Variants in SPDYA observed in about 807,000 individuals in gnomAD.
SPDYA encodes speedy/RINGO cell cycle regulator family member A.
A neutral mutation model predicts 36.7 loss-of-function variants in SPDYA; 11 were observed. That is an observed-to-expected ratio of 0.30 (90% CI 0.19 to 0.50). SPDYA has a LOEUF of 0.50. Ranked by LOEUF, SPDYA falls within the 20% of genes least tolerant of loss-of-function variation. SPDYA has a pLI of 0.98. For missense variants in SPDYA, 287 were observed against 370.9 expected (o/e 0.77, Z 1.86); for synonymous variants, 115 against 118.7 (o/e 0.97, Z 0.20).
intron 7 of SPDYA, among the ~76,000 whole-genome samples, chr2:28,849,090 A>G (rs1668964224): frequency 6.6e-6 from 1 of 152,048 alleles, no homozygotes; most frequent in South Asian, 2.1e-4. Flanking sequence ...TAAAACATCT[A>G]TATTTAAACA....
rs370266643 is a variant in SPDYA, at chr2:28,845,896, GCT to G, written c.851-3951_851-3950del. Among the ~76,000 whole-genome samples the G allele has an allele frequency of 3.1e-3, 465 of 152,240 alleles. 1 individual carries two copies. Among genetic ancestry groups the G allele is most frequent in the African/African-American group, 0.011 (447 of 41,552 alleles). ...ACCTTATATATGTATTACTATGAAA[GCT>G]CTGATTTAACAGTTTTTTCCTCCAG... On this transcript the variant is annotated intron_variant, in intron 7 of 7. Transcript: ENST00000334056.
rs1668514725 is a variant in SPDYA, at chr2:28,833,073, C to A, written c.552+3754C>A. Among the ~76,000 whole-genome samples, 3 of 152,244 alleles carry A rather than the reference C, an allele frequency of 2.0e-5. No individual in the cohort carries two copies. In the South Asian group the frequency reaches 6.2e-4, roughly 32 times the overall value. On this transcript the variant is annotated intron_variant, in intron 6 of 7. Transcript: ENST00000334056. ...CCGGTCTCAAAATCCTGTGCCTAAG[C>A]AATCCTCCCACCTTGGCCTCCCAAA...
chr2:28,821,935 C>T (rs772717588), intron 4 of SPDYA, among the ~76,000 whole-genome samples: 1 of 152,190 alleles, frequency 6.6e-6, no homozygotes, highest in African/African-American at 2.4e-5. Flanking sequence ...TATATATACA[C>T]ATACATACAC....
At chr2:28,812,680 A>C (rs149319805) in intron 1 of SPDYA, among the ~76,000 whole-genome samples, 3,979 of 151,976 alleles carry the variant, frequency 0.026, 155 homozygotes, top group African/African-American at 0.083. Context: ...AACATGGCGA[A>C]ACCCCATCTC....
intron 1 of SPDYA, among the ~76,000 whole-genome samples, chr2:28,813,167 G>T (rs921910052): frequency 6.6e-6 from 1 of 152,094 alleles, no homozygotes; most frequent in Non-Finnish European, 1.5e-5. Context: ...GCTCCACTTG[G>T]GGAATTTCAG....
intron 6 of SPDYA, among the ~76,000 whole-genome samples, chr2:28,834,390 A>G (rs150997586): frequency 6.6e-6 from 1 of 152,316 alleles, no homozygotes; most frequent in Non-Finnish European, 1.5e-5. Context: ...AAGGGTAAAA[A>G]CAAAACTATG....
chr2:28,811,499 C>G lies in SPDYA; in HGVS notation c.-93+552C>G. ...GTGTCTCAGTACCAGGCCCGTAGCTCATTTCTCAGAATTCACGAAGATTCT... is the reference window on the plus strand; with the variant it reads ...GTGTCTCAGTACCAGGCCCGTAGCTGATTTCTCAGAATTCACGAAGATTCT... On this transcript the variant is annotated intron_variant, in intron 1 of 7. Coordinates refer to ENST00000334056, the MANE Select transcript of SPDYA (RefSeq NM_182756.4). The surrounding 1 kb of genome is among the most constrained non-coding windows in gnomAD (Gnocchi z 4.2). 6.6e-6 allele frequency among the ~76,000 whole-genome samples: 1 copy of G among 152,218 alleles called. No individual in the cohort carries two copies. Among genetic ancestry groups the G allele is most frequent in the East Asian group, 1.9e-4 (1 of 5,178 alleles).
At chr2:28,847,963 T>G (rs2148111603) in intron 7 of SPDYA, among the ~76,000 whole-genome samples, 1 of 152,220 alleles carries the variant, frequency 6.6e-6, no homozygotes, top group South Asian at 2.1e-4. Flanking sequence ...AGTCTAGAAG[T>G]AGTAGGCTAT....
chr2:28,829,271 G>C lies in SPDYA; in HGVS notation c.504G>C (p.Trp168Cys). The change falls in exon 6 of 8, where the codon TGG (tryptophan) becomes TGC (cysteine). Residue 168 changes from tryptophan (W) to cysteine (C), a missense_variant. Physicochemically the swap from Trp to Cys is radical, Grantham distance 215. Coordinates refer to ENST00000334056, the MANE Select transcript of SPDYA (RefSeq NM_182756.4). ...PNFLKLRDQL[W>C]DRIDYRAIVS... ...TCTTAAAGTTAAGGGACCAGCTCTG[G>C]GATAGAATTGACTATAGGGCTATTG... 6.2e-7 allele frequency: 1 copy of C among 1,614,010 alleles called. No individual in the cohort carries two copies. The highest frequency in any genetic ancestry group is 8.5e-7 in the Non-Finnish European group (1 of 1,179,988).
chr2:28,833,032 C>T (rs1558328188), intron 6 of SPDYA, among the ~76,000 whole-genome samples: 1 of 151,978 alleles, frequency 6.6e-6, no homozygotes, highest in East Asian at 1.9e-4. Context: ...GATGGGGTCT[C>T]GCTATGTTGC....
chr2:28,827,629 G>A (rs1668365005), intron 5 of SPDYA, among the ~76,000 whole-genome samples: 1 of 151,924 alleles, frequency 6.6e-6, no homozygotes, highest in African/African-American at 2.4e-5. Flanking sequence ...CATGGTGCCT[G>A]TGTTATCTAA....
chr2:28,828,921 A>C (rs914515967), intron 5 of SPDYA, among the ~76,000 whole-genome samples: 2 of 152,112 alleles, frequency 1.3e-5, no homozygotes, highest in Non-Finnish European at 2.9e-5. Flanking sequence ...TTTCAAAGTA[A>C]CTAACTGCAT....
intron 5 of SPDYA, among the ~76,000 whole-genome samples, chr2:28,828,379 CTG>C (rs1668386644): frequency 1.3e-5 from 2 of 152,146 alleles, no homozygotes; most frequent in African/African-American, 2.4e-5. Flanking sequence ...GATGTTTTCT[CTG>C]TAATATTTAA....
In SPDYA at chr2:28,817,673, C is replaced by T. The variant is rs185552041; in HGVS notation, c.236-1375C>T. 6.8e-3 allele frequency among the ~76,000 whole-genome samples: 1,023 copies of T among 150,708 alleles called. 10 individuals carry two copies. The highest frequency in any genetic ancestry group is 0.022 in the African/African-American group (919 of 40,970). On this transcript the variant is annotated intron_variant, in intron 3 of 7. Coordinates refer to ENST00000334056, the MANE Select transcript of SPDYA (RefSeq NM_182756.4). The stretch of plus-strand genomic sequence containing the variant: ...GGCGGACCACTTGAGGCCAGGAGTT[C>T]GAGACCAGCCTGGCCAACATGGTGA...
At chr2:28,841,323 T>C (rs1157485268) in intron 7 of SPDYA, among the ~76,000 whole-genome samples, 1 of 152,162 alleles carries the variant, frequency 6.6e-6, no homozygotes, top group Non-Finnish European at 1.5e-5. Flanking sequence ...CTTTCAGCAA[T>C]AGAGTATTAA....
At chr2:28,836,089 T>C (rs912433314) in intron 6 of SPDYA, among the ~76,000 whole-genome samples, 11 of 152,210 alleles carry the variant, frequency 7.2e-5, no homozygotes, top group African/African-American at 2.2e-4. Flanking sequence ...ATACTTTACA[T>C]TTGCACAGTG....
Position 28,840,359 on chromosome 2 carries a change from C to A in SPDYA, c.740C>A (p.Ser247Tyr). 1.2e-6 allele frequency: 2 copies of A among 1,611,262 alleles called. No homozygotes were observed. Among genetic ancestry groups the A allele is most frequent in the East Asian group, 4.5e-5 (2 of 44,864 alleles). The change falls in exon 7 of 8, where the codon TCT becomes TAT. Residue 247 changes from serine (S) to tyrosine (Y), a missense_variant. Physicochemically the swap from Ser to Tyr is moderately radical, Grantham distance 144. Coordinates refer to ENST00000334056, the MANE Select transcript of SPDYA (RefSeq NM_182756.4). ...YVRLGLSSSSSLSSHTAGVTE... is the reference protein window; with the variant it reads ...YVRLGLSSSSYLSSHTAGVTE... ...AGACTGGGATTGTCTTCATCATCATCTTTATCCAGTCATACAGCAGGGGTG... is the reference window on the plus strand; with the variant it reads ...AGACTGGGATTGTCTTCATCATCATATTTATCCAGTCATACAGCAGGGGTG...
At chr2:28,849,111 C>G (rs1166165278) in intron 7 of SPDYA, among the ~76,000 whole-genome samples, 1 of 151,762 alleles carries the variant, frequency 6.6e-6, no homozygotes, top group Non-Finnish European at 1.5e-5. Flanking sequence ...GAGACCTAAT[C>G]ATTCTAAGTC....
At position 28,840,224 on chromosome 2, in the gene SPDYA, A is replaced by T; in HGVS notation, c.605A>T (p.His202Leu). The change falls in exon 7 of 8, where the codon CAT becomes CTT. Residue 202 changes from histidine to leucine, a missense_variant. Transcript: ENST00000334056. ...HYIWQRERSV[H>L]HSGAVRNYNR... ...ATCTGGCAAAGAGAACGTTCTGTTC[A>T]TCACAGTGGAGCTGTCAGAAACTAC... 1 of 1,614,226 alleles carries T rather than the reference A, an allele frequency of 6.2e-7. No homozygotes were observed. Among genetic ancestry groups the T allele is most frequent in the Non-Finnish European group, 8.5e-7 (1 of 1,180,036 alleles).
Sources: gnomAD v4.1 joint callset for allele counts (sites outside exome capture counted in the v4.1 genomes callset) on GRCh38, gnomAD v4.1.1 for gene constraint, Gnocchi (gnomAD v3.1) non-coding constraint, MANE v1.5 for transcripts, NCBI Gene and HGNC (gene_info 2026-07-23, HGNC 2026-07-21) for gene names.